ADAMTS14: variants seen among roughly 807,000 people sequenced by gnomAD.
The protein encoded by ADAMTS14 is ADAM metallopeptidase with thrombospondin type 1 motif 14, also known as A disintegrin and metalloproteinase with thrombospondin motifs 14.
A neutral mutation model predicts 128.6 loss-of-function variants in ADAMTS14; 100 were observed. The ratio of observed to expected loss-of-function variants is 0.78; its 90% confidence interval spans 0.66 to 0.92. The LOEUF is 0.92. Ranked by LOEUF, ADAMTS14 falls within the 40% of genes least tolerant of loss-of-function variation. The pLI is 0.00. For missense variants in ADAMTS14, 1,562 were observed against 1,658.6 expected (o/e 0.94, Z 1.01); for synonymous variants, 665 against 653.8 (o/e 1.02, Z -0.26).
intron 4 of ADAMTS14, among the ~76,000 whole-genome samples, chr10:70,717,665 G>C: frequency 6.6e-6 from 1 of 152,202 alleles, no homozygotes; most frequent in East Asian, 1.9e-4. Context: ...GAACCTCCTA[G>C]GGCCTGGAAC....
chr10:70,760,516 C>T lies in ADAMTS14; in HGVS notation c.3335C>T (p.Pro1112Leu), dbSNP rs954192458. Residue 1112 changes from proline to leucine, a missense_variant, in exon 22 of 22, where the codon CCC becomes CTC. Transcript: ENST00000373207. ...CCAGACCCTGGCCCAACCTCACTGCCCCCCTTCTCCACTCCTGGAAGCCCC... is the reference window on the plus strand; with the variant it reads ...CCAGACCCTGGCCCAACCTCACTGCTCCCCTTCTCCACTCCTGGAAGCCCC... ...PGPDPGPTSL[P>L]PFSTPGSPLP... The T allele has an allele frequency of 6.2e-7, 1 of 1,613,698 alleles. No individual in the cohort carries two copies. Among genetic ancestry groups the T allele is most frequent in the Admixed American group, 1.7e-5 (1 of 59,966 alleles).
At chr10:70,729,962 G>T in intron 5 of ADAMTS14, 140 bp from the exon 6 acceptor site, 2 of 976,486 alleles carry the variant, frequency 2.0e-6, no homozygotes, top group Middle Eastern at 3.5e-4. Flanking sequence ...CAGTTGAGTG[G>T]GGACAGCTGG....
chr10:70,673,129 C>T (rs563826288), intron 1 of ADAMTS14, among the ~76,000 whole-genome samples: 117 of 152,300 alleles, frequency 7.7e-4, no homozygotes, highest in Middle Eastern at 3.4e-3. Context: ...AGTCTCTTCT[C>T]GGGAGCAGCG....
In ADAMTS14 at chr10:70,752,194, G is replaced by A. The variant is rs1473659539; in HGVS notation, c.2696G>A (p.Arg899Gln). 1.5e-5 allele frequency: 24 copies of A among 1,613,648 alleles called. No homozygotes were observed. The highest frequency in any genetic ancestry group is 6.7e-5 in the East Asian group (3 of 44,892). ...AAGAAGAGGCCCAAGCCCATCCGCC[G>A]GCGCTGCAACCAGCACCCGTGCTCT... ...DHKKRPKPIR[R>Q]RCNQHPCSQP... Residue 899 changes from arginine (R) to glutamine (Q), a missense_variant, in exon 18 of 22, where the codon CGG becomes CAG. By Grantham distance (43) the Arg-to-Gln change is conservative. Transcript: ENST00000373207.
At chr10:70,737,936 G>A (rs965743351) in intron 10 of ADAMTS14, among the ~76,000 whole-genome samples, 1 of 152,132 alleles carries the variant, frequency 6.6e-6, no homozygotes, top group African/African-American at 2.4e-5. Flanking sequence ...ACAACTTTGC[G>A]AATTTATGAA....
intron 2 of ADAMTS14, among the ~76,000 whole-genome samples, chr10:70,688,892 G>GA (rs1564521657): frequency 1.5e-4 from 1 of 6,490 alleles, no homozygotes; most frequent in East Asian, 2.2e-3. Context: ...AGGGGGAGGG[G>GA]GAGGGAGAGG....
chr10:70,712,932 A>C (rs948567193), intron 4 of ADAMTS14, among the ~76,000 whole-genome samples: 46 of 152,310 alleles, frequency 3.0e-4, no homozygotes, highest in African/African-American at 1.1e-3. Flanking sequence ...CCTACACAGC[A>C]GTGTGGTGGG....
At chr10:70,745,405 G>C in intron 15 of ADAMTS14, 99 bp downstream of exon 15, 11 of 1,224,508 alleles carry the variant, frequency 9.0e-6, no homozygotes, top group Non-Finnish European at 1.2e-5. Flanking sequence ...TAGTACAAGT[G>C]GAATTGTACT....
At chr10:70,759,336 C>T (rs1350371966) in intron 21 of ADAMTS14, among the ~76,000 whole-genome samples, 1 of 151,940 alleles carries the variant, frequency 6.6e-6, no homozygotes. Flanking sequence ...TCTGTCCCTC[C>T]CACTCTTCCC....
Position 70,672,893 on chromosome 10 carries a change from G to A in ADAMTS14, c.82+9G>A. The stretch of plus-strand genomic sequence containing the variant: ...GGGCAGCCGGACCCCAGGTGCGTGC[G>A]GGTTGGGCGCGCGGGGGCCCGTGGG... On this transcript the variant is annotated intron_variant, in intron 1 of 21. Transcript: ENST00000373207. 10 of 1,465,594 alleles carry A rather than the reference G, an allele frequency of 6.8e-6. No individual in the cohort carries two copies. Among genetic ancestry groups the A allele is most frequent in the Non-Finnish European group, 9.0e-6 (10 of 1,116,240 alleles). 90.8% of individuals were successfully genotyped at this position (1,465,594 alleles called of 1,614,324 possible). A position where few individuals can be genotyped will look rare whatever the true frequency, so the allele number is the denominator to read the frequency against.
rs892279727 is a variant in ADAMTS14 at position 70,740,982 on chromosome 10, C to T, written c.1749-5C>T. On this transcript the variant is annotated splice_polypyrimidine_tract_variant and splice_region_variant and intron_variant, in intron 11 of 21. Coordinates refer to ENST00000373207, the MANE Select transcript of ADAMTS14 (RefSeq NM_080722.4). ...AGGTCATCCATTTCTCTGTGTCTGTCCCAGCCCAGCCTATGGAGGCCGCCT... is the reference window on the plus strand; with the variant it reads ...AGGTCATCCATTTCTCTGTGTCTGTTCCAGCCCAGCCTATGGAGGCCGCCT... The T allele has an allele frequency of 1.2e-6, 2 of 1,613,726 alleles. No individual in the cohort carries two copies. Among genetic ancestry groups the T allele is most frequent in the East Asian group, 2.2e-5 (1 of 44,878 alleles).
chr10:70,682,807 G>A (rs986196360), intron 2 of ADAMTS14, among the ~76,000 whole-genome samples: 11 of 152,134 alleles, frequency 7.2e-5, no homozygotes, highest in African/African-American at 1.9e-4. Flanking sequence ...CCTCAGGCCC[G>A]TTAGTTTTCT....
chr10:70,732,309 T>C lies in ADAMTS14; in HGVS notation c.1158T>C (p.His386=), dbSNP rs1214832701. 11 of 1,614,046 alleles carry C rather than the reference T, an allele frequency of 6.8e-6. No individual in the cohort carries two copies. The highest frequency in any genetic ancestry group is 9.3e-6 in the Non-Finnish European group (11 of 1,180,030). The change falls in exon 7 of 22, where the codon CAT becomes CAC. Residue 386 remains histidine, a synonymous_variant. Coordinates refer to ENST00000373207, the MANE Select transcript of ADAMTS14 (RefSeq NM_080722.4). ...CHPLRSCALN[H]EDGFSSAFVI... ...CCCTGAGGAGCTGTGCCCTCAACCA[T>C]GAGGATGGCTTCTCCTCAGCCTTCG...
rs372202880 is a variant in ADAMTS14 at position 70,760,021 on chromosome 10, C to T, written c.3179-339C>T. On this transcript the variant is annotated intron_variant, in intron 21 of 21. Transcript: ENST00000373207. ...CCCTGGAGGGCTTGTGAAAGCACAG[C>T]GCTGAGCCCCAGCCTGAGTTTCTGA... Among the ~76,000 whole-genome samples the T allele has an allele frequency of 2.5e-3, 374 of 152,332 alleles. 1 individual carries two copies. Among genetic ancestry groups the T allele is most frequent in the African/African-American group, 8.7e-3 (360 of 41,566 alleles).
chr10:70,697,554 A>C (rs1572798), intron 2 of ADAMTS14, among the ~76,000 whole-genome samples: 1 of 152,128 alleles, frequency 6.6e-6, no homozygotes, highest in Admixed American at 6.5e-5. Context: ...GATGTACTTT[A>C]ATGTACACAT....
intron 4 of ADAMTS14, among the ~76,000 whole-genome samples, chr10:70,709,028 C>G (rs1342704050): frequency 6.6e-6 from 1 of 152,220 alleles, no homozygotes; most frequent in East Asian, 1.9e-4. Flanking sequence ...CTGTACATAC[C>G]TGGGCTGAGG....
chr10:70,760,668 C>A lies in ADAMTS14; in HGVS notation c.3487C>A (p.Gln1163Lys). 1 of 1,614,190 alleles carries A rather than the reference C, an allele frequency of 6.2e-7. No individual in the cohort carries two copies. Among genetic ancestry groups the A allele is most frequent in the Non-Finnish European group, 8.5e-7 (1 of 1,180,030 alleles). The change falls in exon 22 of 22, where the codon CAG (glutamine) becomes AAG (lysine). Residue 1163 changes from glutamine to lysine, a missense_variant. By Grantham distance (53) the Gln-to-Lys change is moderately conservative. Coordinates refer to ENST00000373207, the MANE Select transcript of ADAMTS14 (RefSeq NM_080722.4). ...GALDTSSPGT[Q>K]HPFAPETPIP... The stretch of plus-strand genomic sequence containing the variant: ...TCTGGATACAAGCTCCCCAGGGACC[C>A]AGCATCCCTTTGCCCCTGAGACACC...
intron 4 of ADAMTS14, among the ~76,000 whole-genome samples, chr10:70,720,583 G>A (rs1258555371): frequency 1.3e-5 from 2 of 152,318 alleles, no homozygotes; most frequent in East Asian, 1.9e-4. Context: ...TGGCTACTGC[G>A]AGGGTCAGCC....
chr10:70,710,079 A>C (rs542683637), intron 4 of ADAMTS14, among the ~76,000 whole-genome samples: 1 of 152,314 alleles, frequency 6.6e-6, no homozygotes, highest in African/African-American at 2.4e-5. Context: ...CCGGACCCTC[A>C]GCCCTCCCCT....
Sources: gnomAD v4.1 joint callset for allele counts (sites outside exome capture counted in the v4.1 genomes callset) on GRCh38, gnomAD v4.1.1 for gene constraint, MANE v1.5 for transcripts, NCBI Gene and HGNC (gene_info 2026-07-23, HGNC 2026-07-21) for gene names.